Variants in IRF2 observed in about 807,000 individuals in gnomAD.
IRF2 encodes interferon regulatory factor 2.
Under a neutral mutation model 40.6 loss-of-function variants are expected in IRF2, and 15 were observed. The ratio of observed to expected loss-of-function variants is 0.37; its 90% CI spans 0.25 to 0.57. The LOEUF is 0.57. Ranked by LOEUF, IRF2 falls within the 20% of genes least tolerant of loss-of-function variation. IRF2 has a pLI of 0.77. For synonymous variants in IRF2, 151 were observed against 165.5 expected (o/e 0.91, Z 0.67); for missense variants, 317 against 455.7 (o/e 0.70, Z 2.77).
chr4:184,443,689 C>A (rs1344082947), intron 1 of IRF2, among the ~76,000 whole-genome samples: 1 of 152,158 alleles, frequency 6.6e-6, no homozygotes, highest in South Asian at 2.1e-4. Context: ...GTACAGGTAT[C>A]TTTTGCTAGA....
chr4:184,426,239 C>T (rs956750208), intron 2 of IRF2, among the ~76,000 whole-genome samples: 1 of 152,320 alleles, frequency 6.6e-6, no homozygotes, highest in Non-Finnish European at 1.5e-5. Context: ...TGGTCTCAAA[C>T]TCCTGACCTC....
intron 7 of IRF2, among the ~76,000 whole-genome samples, chr4:184,395,228 G>A (rs1284358900): frequency 3.3e-5 from 5 of 151,966 alleles, no homozygotes; most frequent in East Asian, 1.9e-4. Context: ...TGGCTAACAC[G>A]GTGAAACCCC....
At chr4:184,389,210 A>G in intron 8 of IRF2, 144 bp from the exon 9 acceptor site, 7 of 765,862 alleles carry the variant, frequency 9.1e-6, no homozygotes, top group South Asian at 8.0e-5. Flanking sequence ...ACTTAACCTC[A>G]GGAGTTTGAG....
intron 2 of IRF2, among the ~76,000 whole-genome samples, chr4:184,422,280 A>G (rs1241813815): frequency 2.6e-5 from 4 of 152,216 alleles, no homozygotes; most frequent in Admixed American, 2.0e-4. Flanking sequence ...AGATACACAA[A>G]TAACAAACGT....
chr4:184,434,502 C>T (rs191184990), intron 1 of IRF2, among the ~76,000 whole-genome samples: 121 of 152,246 alleles, frequency 7.9e-4, no homozygotes, highest in African/African-American at 2.9e-3. Flanking sequence ...AATATATGAG[C>T]AACCTGTACT....
At chr4:184,425,978 T>TTTTTTTTGTTTGTTTG (rs1272983548) in intron 2 of IRF2, among the ~76,000 whole-genome samples, 1 of 98,922 alleles carries the variant, frequency 1.0e-5, no homozygotes, top group Non-Finnish European at 2.6e-5. Flanking sequence ...TCACTCCGGT[T>TTTTTTTTGTTTGTTTG]TTTGTTTGTT....
chr4:184,427,879 C>T (rs1170862745), intron 2 of IRF2, among the ~76,000 whole-genome samples: 1 of 151,932 alleles, frequency 6.6e-6, no homozygotes, highest in East Asian at 1.9e-4. Context: ...TCATTGTGTC[C>T]TTAAGATTAA....
At chr4:184,403,562 T>C (rs76438434) in intron 6 of IRF2, among the ~76,000 whole-genome samples, 7,622 of 152,212 alleles carry the variant, frequency 0.05, 202 homozygotes, top group South Asian at 0.074. Flanking sequence ...GAAACAACCA[T>C]ACAAGACAGA....
At chr4:184,422,387 A>T (rs1041882612) in intron 2 of IRF2, among the ~76,000 whole-genome samples, 2 of 152,256 alleles carry the variant, frequency 1.3e-5, no homozygotes, top group Non-Finnish European at 2.9e-5. Flanking sequence ...ATTCCTCAAG[A>T]AAGTGAAACA....
At chr4:184,429,687 G>A (rs772585644) in intron 1 of IRF2, among the ~76,000 whole-genome samples, 5 of 152,244 alleles carry the variant, frequency 3.3e-5, no homozygotes, top group Admixed American at 2.0e-4. Flanking sequence ...GCTTTTACCC[G>A]AATGCAGTCT....
chr4:184,445,747 C>T (rs1738483825), intron 1 of IRF2, among the ~76,000 whole-genome samples: 1 of 152,010 alleles, frequency 6.6e-6, no homozygotes, highest in South Asian at 2.1e-4. Context: ...TTCCTTCCTC[C>T]ACCCTTCCTT....
At chr4:184,404,856 A>C (rs1736793908) in intron 6 of IRF2, among the ~76,000 whole-genome samples, 2 of 152,322 alleles carry the variant, frequency 1.3e-5, no homozygotes, top group Non-Finnish European at 1.5e-5. Context: ...GGAGGAGGCA[A>C]GAGTGGGACA....
intron 2 of IRF2, among the ~76,000 whole-genome samples, chr4:184,424,577 C>T (rs913052711): frequency 6.6e-6 from 1 of 152,170 alleles, no homozygotes; most frequent in African/African-American, 2.4e-5. Flanking sequence ...TTCCCCGCAC[C>T]GGGTGATATC....
In IRF2 at chr4:184,388,795, G is replaced by A. The variant is rs1474933809; in HGVS notation, c.1013C>T (p.Thr338Ile). Reference protein sequence around the residue: ...RETRASVIKKTSDITQARVKS... With the variant: ...RETRASVIKKISDITQARVKS... ...GACGCGGGCCTGGGTGATATCCGAT[G>A]TTTTCTTGATGACGCTGGCCCGGGT... The change falls in exon 9 of 9, where the codon ACA becomes ATA. Residue 338 changes from threonine to isoleucine, a missense_variant. Around this residue, in one of 2 missense-constraint regions of IRF2, gnomAD observed 262 missense variants for 334.0 expected, o/e 0.78. Coordinates refer to ENST00000393593, the MANE Select transcript of IRF2 (RefSeq NM_002199.4). The surrounding 1 kb of genome is among the most constrained non-coding windows in gnomAD (Gnocchi z 4.6). 3.7e-6 allele frequency: 6 copies of A among 1,613,472 alleles called. No homozygotes were observed. The highest frequency in any genetic ancestry group is 5.1e-6 in the Non-Finnish European group (6 of 1,180,008).
At position 184,418,456 on chromosome 4, in the gene IRF2, A is replaced by G. The variant is rs1480030472; in HGVS notation, c.364+76T>C. The G allele has an allele frequency of 5.2e-6, 7 of 1,334,250 alleles. No individual in the cohort carries two copies. In the African/African-American group the frequency reaches 1.0e-4, roughly 19 times the overall value. 82.7% of individuals were successfully genotyped at this position (1,334,250 alleles called of 1,614,324 possible). ...TATTCTACCTGCAAACTGACTGCAG[A>G]TGTAGAAATGAAGAGATCACGAAGG... On this transcript the variant is annotated intron_variant, in intron 4 of 8. Coordinates refer to ENST00000393593, the MANE Select transcript of IRF2 (RefSeq NM_002199.4).
intron 8 of IRF2, among the ~76,000 whole-genome samples, chr4:184,389,421 A>G (rs2149889537): frequency 6.6e-6 from 1 of 152,302 alleles, no homozygotes; most frequent in South Asian, 2.1e-4. Flanking sequence ...TTGTCTCAAA[A>G]CAACAACCCA....
chr4:184,455,269 C>CT (rs1356019345), intron 1 of IRF2, among the ~76,000 whole-genome samples: 6 of 90,414 alleles, frequency 6.6e-5, no homozygotes, highest in African/African-American at 7.8e-5. Flanking sequence ...TTCCCTCCCT[C>CT]TCCCTCCCCT....
chr4:184,403,067 T>G (rs1232172931), intron 6 of IRF2, among the ~76,000 whole-genome samples: 1 of 152,202 alleles, frequency 6.6e-6, no homozygotes, highest in Admixed American at 6.5e-5. Context: ...ATAATTACGT[T>G]ATCTCTCAGG....
intron 5 of IRF2, among the ~76,000 whole-genome samples, chr4:184,411,258 C>T (rs1737063981): frequency 6.6e-6 from 1 of 152,044 alleles, no homozygotes; most frequent in Admixed American, 6.6e-5. Flanking sequence ...GGGGTTTCAC[C>T]ATGTTGGCCA....
Sources: allele counts gnomAD v4.1 joint callset (sites outside exome capture counted in the v4.1 genomes callset), GRCh38; gene constraint gnomAD v4.1.1; regional missense constraint gnomAD v4.1.1; non-coding constraint Gnocchi (gnomAD v3.1); transcripts MANE v1.5; gene names NCBI Gene and HGNC (gene_info 2026-07-23, HGNC 2026-07-21).